LHFPL3: variants seen among roughly 807,000 people sequenced by gnomAD.
The protein encoded by LHFPL3 is LHFPL tetraspan subfamily member 3.
LHFPL3 carries 5 observed loss-of-function variants against 19.3 expected under a neutral mutation model. The observed-to-expected ratio is 0.26, with a 90% CI of 0.14 to 0.54. The LOEUF (loss-of-function observed/expected upper bound fraction) is 0.54, where lower values mean the gene tolerates loss of function less well. Ranked by LOEUF, LHFPL3 falls within the 20% of genes least tolerant of loss-of-function variation. The pLI, the probability that LHFPL3 is intolerant of heterozygous loss-of-function variation, is 0.94. For missense variants in LHFPL3, 249 were observed against 307.4 expected (o/e 0.81, Z 1.42); for synonymous variants, 133 against 126.2 (o/e 1.05, Z -0.36).
At chr7:104,649,456 T>C (rs767064801) in intron 1 of LHFPL3, among the ~76,000 whole-genome samples, 17 of 152,150 alleles carry the variant, frequency 1.1e-4, no homozygotes, top group Non-Finnish European at 2.1e-4. Context: ...ACAAGAGCCC[T>C]GAAAATTTAA....
chr7:104,806,469 TTAGA>T (rs2116490421), intron 2 of LHFPL3, among the ~76,000 whole-genome samples: 1 of 152,304 alleles, frequency 6.6e-6, no homozygotes, highest in East Asian at 1.9e-4. Context: ...AATAGGAGTT[TTAGA>T]TTCTGGGAAA....
chr7:104,480,345 C>T (rs539091894), intron 1 of LHFPL3, among the ~76,000 whole-genome samples: 1 of 152,088 alleles, frequency 6.6e-6, no homozygotes. Flanking sequence ...CCCCCCACCG[C>T]CCAGATTTCC....
intron 2 of LHFPL3, among the ~76,000 whole-genome samples, chr7:104,903,995 G>T (rs537165426): frequency 6.6e-6 from 1 of 152,286 alleles, no homozygotes; most frequent in African/African-American, 2.4e-5. Flanking sequence ...TAAGTTGTTG[G>T]AGAAATTTCC....
chr7:104,811,475 G>A (rs1278826034), intron 2 of LHFPL3, among the ~76,000 whole-genome samples: 1 of 152,104 alleles, frequency 6.6e-6, no homozygotes, highest in African/African-American at 2.4e-5. Context: ...TGTTGGGATT[G>A]CAGGCATGGG....
At chr7:104,869,058 CT>C (rs1287505691) in intron 2 of LHFPL3, among the ~76,000 whole-genome samples, 1 of 152,134 alleles carries the variant, frequency 6.6e-6, no homozygotes, top group African/African-American at 2.4e-5. Context: ...TTCCTTACAC[CT>C]TATACAAAAA....
At chr7:104,811,760 T>C (rs888355701) in intron 2 of LHFPL3, among the ~76,000 whole-genome samples, 2 of 152,190 alleles carry the variant, frequency 1.3e-5, no homozygotes, top group Admixed American at 6.5e-5. Context: ...AATGCATATA[T>C]TAAAGTTCTT....
At chr7:104,878,417 C>T (rs1341603047) in intron 2 of LHFPL3, among the ~76,000 whole-genome samples, 1 of 152,032 alleles carries the variant, frequency 6.6e-6, no homozygotes, top group East Asian at 1.9e-4. Flanking sequence ...ATTGTTATAT[C>T]TGTCATGGTG....
At chr7:104,448,301 C>T (rs1311268708) in intron 1 of LHFPL3, among the ~76,000 whole-genome samples, 1 of 152,134 alleles carries the variant, frequency 6.6e-6, no homozygotes, top group Non-Finnish European at 1.5e-5. Context: ...TCCACAGTGC[C>T]AGAGTTAGAA....
intron 1 of LHFPL3, among the ~76,000 whole-genome samples, chr7:104,434,235 C>G (rs1162112977): frequency 1.3e-5 from 2 of 152,160 alleles, no homozygotes; most frequent in African/African-American, 2.4e-5. Context: ...TATGATAGAG[C>G]TAGGGCATAA....
At chr7:104,623,321 G>C (rs1791483309) in intron 1 of LHFPL3, among the ~76,000 whole-genome samples, 1 of 151,764 alleles carries the variant, frequency 6.6e-6, no homozygotes. Context: ...AGTAACTTCT[G>C]ATACTGAATC....
intron 1 of LHFPL3, among the ~76,000 whole-genome samples, chr7:104,601,832 C>T (rs940056574): frequency 1.3e-5 from 2 of 152,114 alleles, no homozygotes; most frequent in African/African-American, 4.8e-5. Flanking sequence ...TCTGGAATCA[C>T]AGCCTATCCT....
Position 104,608,992 on chromosome 7 carries a change from C to T in LHFPL3, c.446-127683C>T, listed in dbSNP as rs147635492. 5.5e-3 allele frequency among the ~76,000 whole-genome samples: 837 copies of T among 152,318 alleles called. 7 individuals carry two copies. The highest frequency in any genetic ancestry group is 0.015 in the South Asian group (71 of 4,822). ...CCAGTAAATGTTAGCCACGGCCAGGCATGGTGGCTCACGCCTGTAATCCCA... is the reference window on the plus strand; with the variant it reads ...CCAGTAAATGTTAGCCACGGCCAGGTATGGTGGCTCACGCCTGTAATCCCA... On this transcript the variant is annotated intron_variant, in intron 1 of 2. Coordinates refer to ENST00000424859, the MANE Select transcript of LHFPL3 (RefSeq NM_199000.3).
chr7:104,813,018 G>A (rs1584548658), intron 2 of LHFPL3, among the ~76,000 whole-genome samples: 1 of 152,120 alleles, frequency 6.6e-6, no homozygotes, highest in East Asian at 1.9e-4. Flanking sequence ...GGGGGCTGAG[G>A]CAGGAGAATT....
At position 104,856,342 on chromosome 7, in the gene LHFPL3, C is replaced by T. The variant is rs554226967; in HGVS notation, c.683-49845C>T. On this transcript the variant is annotated intron_variant, in intron 2 of 2. Coordinates refer to ENST00000424859, the MANE Select transcript of LHFPL3 (RefSeq NM_199000.3). ...CTTGGCTCACCACAACCTCTGCCTC[C>T]GGATTCAAGCAATTCTCCTGCCTCA... Among the ~76,000 whole-genome samples, 8 of 147,906 alleles carry T rather than the reference C, an allele frequency of 5.4e-5. 1 individual carries two copies. The highest frequency in any genetic ancestry group is 2.0e-4 in the East Asian group (1 of 4,910).
intron 1 of LHFPL3, among the ~76,000 whole-genome samples, chr7:104,579,303 C>T (rs577350636): frequency 1.3e-5 from 2 of 152,222 alleles, no homozygotes; most frequent in Admixed American, 6.5e-5. Context: ...TCAACCCTTA[C>T]CCTGTTTCCT....
At chr7:104,627,076 C>T (rs1791558875) in intron 1 of LHFPL3, among the ~76,000 whole-genome samples, 1 of 152,028 alleles carries the variant, frequency 6.6e-6, no homozygotes, top group African/African-American at 2.4e-5. Flanking sequence ...GATCTCTTGA[C>T]CTTATTCCTC....
chr7:104,543,241 G>A lies in LHFPL3; in HGVS notation c.446-193434G>A, dbSNP rs112018852. 2.7e-3 allele frequency among the ~76,000 whole-genome samples: 405 copies of A among 151,962 alleles called. 1 individual carries two copies. Among genetic ancestry groups the A allele is most frequent in the African/African-American group, 8.3e-3 (346 of 41,446 alleles). On this transcript the variant is annotated intron_variant, in intron 1 of 2. Coordinates refer to ENST00000424859, the MANE Select transcript of LHFPL3 (RefSeq NM_199000.3). The stretch of plus-strand genomic sequence containing the variant: ...ACCATCTCACACCAGTTAGAATGGC[G>A]ATCATTAAAAAGTCAGGAAACAACA...
At chr7:104,749,204 G>A (rs1794108616) in intron 2 of LHFPL3, among the ~76,000 whole-genome samples, 1 of 152,102 alleles carries the variant, frequency 6.6e-6, no homozygotes, top group Non-Finnish European at 1.5e-5. Context: ...ATGAAAAGGA[G>A]TAGAGGTTTG....
chr7:104,866,911 G>T (rs1791734146), intron 2 of LHFPL3, among the ~76,000 whole-genome samples: 1 of 152,162 alleles, frequency 6.6e-6, no homozygotes, highest in African/African-American at 2.4e-5. Flanking sequence ...TAGAACTCAG[G>T]ATTAAGAAAC....
Sources: allele counts gnomAD v4.1 joint callset (sites outside exome capture counted in the v4.1 genomes callset), GRCh38; gene constraint gnomAD v4.1.1; transcripts MANE v1.5; gene names NCBI Gene and HGNC (gene_info 2026-07-23, HGNC 2026-07-21).